Variants in CPAMD8 observed in about 807,000 individuals in gnomAD.
The protein encoded by CPAMD8 is C3 and PZP-like alpha-2-macroglobulin domain-containing protein 8.
Under a neutral mutation model 224.7 loss-of-function variants are expected in CPAMD8, and 146 were observed. The ratio of observed to expected loss-of-function variants is 0.65; its 90% CI spans 0.57 to 0.75. The LOEUF (loss-of-function observed/expected upper bound fraction) is 0.75. CPAMD8 is among the 30% of genes least tolerant of loss of function. The pLI, the probability that CPAMD8 is intolerant of heterozygous loss-of-function variation, is 0.00. For synonymous variants in CPAMD8, 966 were observed against 1,044.6 expected (o/e 0.92, Z 1.45); for missense variants, 2,301 against 2,537.5 (o/e 0.91, Z 2.00).
intron 27 of CPAMD8, among the ~76,000 whole-genome samples, chr19:16,917,223 TA>T (rs1042587359): frequency 5.3e-5 from 8 of 150,474 alleles, no homozygotes; most frequent in Non-Finnish European, 1.0e-4. Context: ...GAGACCCTGT[TA>T]TTCATAAACA....
chr19:17,002,131 A>C, intron 9 of CPAMD8, 135 bp downstream of exon 9: 1 of 616,584 alleles, frequency 1.6e-6, no homozygotes, highest in Non-Finnish European at 3.0e-6. Context: ...GGAGGAGGGA[A>C]CCAGGAAGGG....
intron 3 of CPAMD8, among the ~76,000 whole-genome samples, chr19:17,013,916 TTCCC>T (rs2056735524): frequency 6.8e-6 from 1 of 146,248 alleles, no homozygotes; most frequent in Non-Finnish European, 1.5e-5. Flanking sequence ...TCACTACACA[TTCCC>T]TCCCTCCCTC....
chr19:16,905,569 G>GAAAAA (rs397955787), intron 30 of CPAMD8, among the ~76,000 whole-genome samples: 195 of 92,454 alleles, frequency 2.1e-3, no homozygotes, highest in Non-Finnish European at 2.5e-3. Context: ...AGGAAGAAAA[G>GAAAAA]AAAAAAAAAA....
chr19:16,995,053 T>G (rs1193954406), intron 11 of CPAMD8, among the ~76,000 whole-genome samples: 1 of 152,170 alleles, frequency 6.6e-6, no homozygotes, highest in African/African-American at 2.4e-5. Context: ...TTAAACCTCT[T>G]CTTCATACAC....
intron 3 of CPAMD8, among the ~76,000 whole-genome samples, chr19:17,015,685 T>G (rs986635036): frequency 1.3e-5 from 2 of 152,090 alleles, no homozygotes; most frequent in Non-Finnish European, 2.9e-5. Context: ...CTGGCCCTGT[T>G]TCTGGAAATA....
intron 18 of CPAMD8, among the ~76,000 whole-genome samples, chr19:16,968,731 C>G (rs979861601): frequency 9.2e-5 from 14 of 152,088 alleles, no homozygotes; most frequent in African/African-American, 3.4e-4. Context: ...CTCAACCTTC[C>G]CAGGCTCAAG....
chr19:16,943,353 G>T (rs1005520939), intron 22 of CPAMD8, among the ~76,000 whole-genome samples: 1 of 151,812 alleles, frequency 6.6e-6, no homozygotes, highest in African/African-American at 2.4e-5. Flanking sequence ...ACGTTTTCTA[G>T]GTTTATCCAC....
intron 22 of CPAMD8, among the ~76,000 whole-genome samples, chr19:16,944,161 C>T (rs2053995329): frequency 6.6e-6 from 1 of 152,218 alleles, no homozygotes; most frequent in Admixed American, 6.5e-5. Context: ...CTCCTAAGTC[C>T]ATCTCAGCTG....
chr19:17,014,847 T>G (rs958670199), intron 3 of CPAMD8, among the ~76,000 whole-genome samples: 5 of 152,180 alleles, frequency 3.3e-5, no homozygotes, highest in Admixed American at 1.3e-4. Context: ...TGACCGGTAT[T>G]TGATGATAGT....
At chr19:16,976,967 G>A (rs886873462) in intron 15 of CPAMD8, among the ~76,000 whole-genome samples, 4 of 152,124 alleles carry the variant, frequency 2.6e-5, no homozygotes, top group East Asian at 1.9e-4. Flanking sequence ...GCTTGAACCC[G>A]GGAGGCAGAG....
chr19:16,901,164 T>C (rs1207958816), intron 36 of CPAMD8, 46 bp downstream of exon 36: 3 of 1,398,556 alleles, frequency 2.1e-6, no homozygotes, highest in African/African-American at 2.9e-5. Context: ...GCCCTACCTA[T>C]TGTTCAGAGA....
Position 16,914,751 on chromosome 19 carries a change from CG to C in CPAMD8, c.3691del (p.Arg1231GlyfsTer27). ...QARSFIFVDP[R>X]ELAAAKSWII... ...CCAGCTCTTGGCGGCAGCCAGCTCC[CG>C]GGGGTCCACGAAGATAAAGCTGCGA... On this transcript the variant is annotated frameshift_variant, in exon 28 of 42. Coordinates refer to ENST00000443236, the MANE Select transcript of CPAMD8 (RefSeq NM_015692.5). LOFTEE classifies it high-confidence loss of function. The C allele has an allele frequency of 6.2e-7, 1 of 1,614,004 alleles. No individual in the cohort carries two copies. The highest frequency in any genetic ancestry group is 8.5e-7 in the Non-Finnish European group (1 of 1,179,980).
Position 16,914,818 on chromosome 19 carries a change from A to G in CPAMD8, c.3630-5T>C, listed in dbSNP as rs1373012296. 3.1e-5 allele frequency: 50 copies of G among 1,602,486 alleles called. No individual in the cohort carries two copies. The highest frequency in any genetic ancestry group is 4.3e-5 in the Non-Finnish European group (50 of 1,173,776). Reference sequence around the variant, plus strand: ...TTCAGGACAAAGGCTGTGAGCCTGAAAGAGGACAGGGTGTCAGCTGAGGGG... The same window carrying G: ...TTCAGGACAAAGGCTGTGAGCCTGAGAGAGGACAGGGTGTCAGCTGAGGGG... On this transcript the variant is annotated splice_region_variant and splice_polypyrimidine_tract_variant and intron_variant, in intron 27 of 41. Coordinates refer to ENST00000443236, the MANE Select transcript of CPAMD8 (RefSeq NM_015692.5).
Position 16,947,227 on chromosome 19 carries a change from C to T in CPAMD8, c.2509G>A (p.Val837Met). 6.2e-7 allele frequency: 1 copy of T among 1,609,914 alleles called. No individual in the cohort carries two copies. Among genetic ancestry groups the T allele is most frequent in the Non-Finnish European group, 8.5e-7 (1 of 1,177,854 alleles). ...TTGGGAACCGAGAGCTTCATGTACA[C>T]CTGCAGAGGGTGGCATTGGCTCATG... ...VYNYMGTCAE[V>M]YMKLSVPKGI... is the part of the protein sequence containing the mutation. Residue 837 changes from valine (V) to methionine (M), a missense_variant and splice_region_variant, in exon 21 of 42, where the codon GTG (valine) becomes ATG (methionine). Physicochemically the swap from Val to Met is conservative, Grantham distance 21 (BLOSUM62 1). Around this residue, in one of 4 missense-constraint regions of CPAMD8, gnomAD observed 1,709 missense variants for 1,753.2 expected, o/e 0.97. Transcript: ENST00000443236.
chr19:16,907,606 CA>C (rs374664610), intron 29 of CPAMD8: 9,059 of 128,268 alleles, frequency 0.071, 412 homozygotes, highest in African/African-American at 0.15. Context: ...GGCTCCGTCT[CA>C]AAAAAAAAAA....
Position 17,004,280 on chromosome 19 carries a change from C to G in CPAMD8, c.666G>C (p.Gln222His). The stretch of plus-strand genomic sequence containing the variant: ...TGAGATTCTCCAACTTACCATACTT[C>G]TGAACTTCAAAAGACTTGTTGTACG... Reference protein sequence around the residue: ...GHAYNKSFEVQKYVLPKFELL... With the variant: ...GHAYNKSFEVHKYVLPKFELL... The change falls in exon 8 of 42, where the codon CAG becomes CAC. Residue 222 changes from glutamine (Q) to histidine (H), a missense_variant. Gln to His is a conservative substitution (Grantham distance 24, BLOSUM62 0). Transcript: ENST00000443236. The G allele has an allele frequency of 6.3e-7, 1 of 1,599,402 alleles. No homozygotes were observed. The highest frequency in any genetic ancestry group is 8.6e-7 in the Non-Finnish European group (1 of 1,166,760).
At chr19:16,922,311 ACAC>A (rs533445494) in intron 26 of CPAMD8, among the ~76,000 whole-genome samples, 2 of 151,670 alleles carry the variant, frequency 1.3e-5, no homozygotes, top group Admixed American at 6.6e-5. Flanking sequence ...AAACTGCCCC[ACAC>A]CACATCTGGG....
intron 25 of CPAMD8, among the ~76,000 whole-genome samples, chr19:16,927,368 T>G (rs1011066322): frequency 7.2e-5 from 11 of 152,110 alleles, no homozygotes; most frequent in African/African-American, 2.7e-4. Flanking sequence ...CCTGTCGCCT[T>G]CCACCATGAT....
chr19:17,011,190 C>T (rs949003374), intron 5 of CPAMD8, among the ~76,000 whole-genome samples: 3 of 151,822 alleles, frequency 2.0e-5, no homozygotes, highest in Admixed American at 6.6e-5. Flanking sequence ...GCGAGAGACT[C>T]GGTCTTGGGG....
Sources: gnomAD v4.1 joint callset for allele counts (sites outside exome capture counted in the v4.1 genomes callset) on GRCh38, gnomAD v4.1.1 for gene constraint, gnomAD v4.1.1 regional missense constraint, MANE v1.5 for transcripts, NCBI Gene and HGNC (gene_info 2026-07-23, HGNC 2026-07-21) for gene names.